The following THBS4 variants were observed in gnomAD, a reference collection of about 807,000 sequenced individuals.
THBS4 encodes the protein thrombospondin-4.
Under a neutral mutation model 115.7 loss-of-function variants are expected in THBS4, and 90 were observed. The ratio of observed to expected loss-of-function variants is 0.78; its 90% confidence interval spans 0.66 to 0.93. The LOEUF (loss-of-function observed/expected upper bound fraction) is 0.93, where lower values mean the gene tolerates loss of function less well. Ranked by LOEUF, THBS4 falls within the 40% of genes least tolerant of loss-of-function variation. The pLI is 0.00. For synonymous variants in THBS4, 460 were observed against 479.3 expected, an observed-to-expected ratio of 0.96 and a Z score of 0.53; for missense variants, 1,087 against 1,232.7, an observed-to-expected ratio of 0.88 and a Z score of 1.77.
rs374204724 is a variant in THBS4 at position 80,073,256 on chromosome 5, T to C, written c.1840-19T>C. On this transcript the variant is annotated intron_variant, in intron 14 of 21. Coordinates refer to ENST00000350881, the MANE Select transcript of THBS4 (RefSeq NM_003248.6). Reference sequence around the variant, plus strand: ...CATGCAGGCCCAGGAATAAATAACATGTGCTGTTCTCTTTGCAGTCTGATG... The same window carrying C: ...CATGCAGGCCCAGGAATAAATAACACGTGCTGTTCTCTTTGCAGTCTGATG... 137 of 1,613,408 alleles carry C rather than the reference T, an allele frequency of 8.5e-5. 1 individual carries two copies. Among genetic ancestry groups the C allele is most frequent in the Admixed American group, 2.0e-4 (12 of 60,000 alleles).
At chr5:80,030,358 GCTAA>G (rs1213408995), upstream of THBS4, among the ~76,000 whole-genome samples, 2 of 151,892 alleles carry the variant, frequency 1.3e-5, no homozygotes, top group Admixed American at 6.6e-5. Context: ...CACCACCATG[GCTAA>G]CTAATTTTTT....
At chr5:80,037,623 C>A (rs1005851052) in intron 1 of THBS4, among the ~76,000 whole-genome samples, 1 of 152,118 alleles carries the variant, frequency 6.6e-6, no homozygotes, top group Non-Finnish European at 1.5e-5. Context: ...ATCAGACGAA[C>A]CATAGATTGA....
intron 2 of THBS4, among the ~76,000 whole-genome samples, chr5:80,003,771 G>T (rs2151151058): frequency 6.6e-6 from 1 of 152,318 alleles, no homozygotes; most frequent in African/African-American, 2.4e-5. Flanking sequence ...CCCTTCTTAT[G>T]TTACTGTATA....
At chr5:80,068,196 A>G (rs1580974484) in intron 10 of THBS4, 71 bp downstream of exon 10, 8 of 1,574,264 alleles carry the variant, frequency 5.1e-6, no homozygotes, top group Non-Finnish European at 6.1e-6. Flanking sequence ...TCCAGTTTCT[A>G]TGTGCTTCAG....
chr5:80,010,269 C>CG (rs1434496070), intron 2 of THBS4, among the ~76,000 whole-genome samples: 1 of 152,162 alleles, frequency 6.6e-6, no homozygotes, highest in African/African-American at 2.4e-5. Context: ...TTCCCCAACT[C>CG]CAAGTTATAT....
At chr5:80,036,382 G>C (rs775503008) in intron 1 of THBS4, among the ~76,000 whole-genome samples, 26 of 152,140 alleles carry the variant, frequency 1.7e-4, no homozygotes, top group Non-Finnish European at 2.8e-4. Flanking sequence ...CCAAAAGTAG[G>C]GGGGAAGGTT....
rs780131933 is a variant in THBS4, at chr5:80,065,462, C to A, written c.1179C>A (p.Ile393=). 80 of 1,613,552 alleles carry A rather than the reference C, an allele frequency of 5.0e-5. No homozygotes were observed. The highest frequency in any genetic ancestry group is 6.4e-5 in the Non-Finnish European group (76 of 1,179,868). The part of the protein sequence containing the change: ...CRNGACVPNS[I]CVNTLGSYRC... ...ATGGAGCGTGCGTTCCCAACTCGAT[C>A]TGCGTTAATACTTTGGTAAGTATTT... The change falls in exon 9 of 22, where the codon ATC becomes ATA. Residue 393 remains isoleucine, a synonymous_variant. Transcript: ENST00000350881.
intron 2 of THBS4, among the ~76,000 whole-genome samples, chr5:80,044,570 G>A (rs194375): frequency 0.24 from 35,867 of 151,660 alleles, 4,684 homozygotes; most frequent in African/African-American, 0.34. Flanking sequence ...CTACATGTGC[G>A]CACCACTACG....
Position 80,068,229 on chromosome 5 carries a change from A to G in THBS4, c.1347+104A>G, listed in dbSNP as rs557608030. 6 of 1,400,264 alleles carry G rather than the reference A, an allele frequency of 4.3e-6. No individual in the cohort carries two copies. The African/African-American group carries it at 7.1e-5, about 17-fold the overall frequency. The allele number at this position is 1,400,264 out of a possible 1,614,324, so 86.7% of individuals were successfully genotyped here. On this transcript the variant is annotated intron_variant, in intron 10 of 21. Transcript: ENST00000350881. ...CAGGGTAAAAGTACTCCAAAATGAA[A>G]GCATTGCAATTAAATGAGCATGGAG...
At chr5:80,024,667 G>A (rs1189223167) in intron 2 of THBS4, among the ~76,000 whole-genome samples, 2 of 152,102 alleles carry the variant, frequency 1.3e-5, no homozygotes, top group Non-Finnish European at 2.9e-5. Context: ...GTAGCATGCT[G>A]GTGACCACAA....
chr5:80,042,484 A>T (rs1031563450), intron 2 of THBS4, among the ~76,000 whole-genome samples: 4 of 152,180 alleles, frequency 2.6e-5, no homozygotes, highest in African/African-American at 9.7e-5. Context: ...CTCTATTTCT[A>T]AATTGGCCAG....
At chr5:80,070,034 C>T (rs1833975744) in intron 10 of THBS4, among the ~76,000 whole-genome samples, 1 of 152,244 alleles carries the variant, frequency 6.6e-6, no homozygotes, top group South Asian at 2.1e-4. Context: ...TTCTGGGTCC[C>T]CTCCTCCCAT....
chr5:80,078,130 C>T lies in THBS4; in HGVS notation c.2168C>T (p.Ala723Val). 3 of 1,612,718 alleles carry T rather than the reference C, an allele frequency of 1.9e-6. No homozygotes were observed. Among genetic ancestry groups the T allele is most frequent in the Non-Finnish European group, 2.5e-6 (3 of 1,179,218 alleles). The change falls in exon 17 of 22, where the codon GCA (alanine) becomes GTA (valine). Residue 723 changes from alanine to valine, a missense_variant. By Grantham distance (64) the Ala-to-Val change is moderately conservative. Around this residue, in one of 3 missense-constraint regions of THBS4, gnomAD observed 979 missense variants for 1,103.7 expected, o/e 0.89. Coordinates refer to ENST00000350881, the MANE Select transcript of THBS4 (RefSeq NM_003248.6). ...IDRIDVCPEN[A>V]EVTLTDFRAY... ...CGGATCGACGTCTGCCCAGAGAACG[C>T]AGAGGTCACCCTGACCGACTTCAGG...
intron 14 of THBS4, chr5:80,072,618 G>A (rs1834109479): frequency 1.8e-6 from 1 of 541,160 alleles, no homozygotes; most frequent in Non-Finnish European, 3.3e-6. Flanking sequence ...TCGATTGCCT[G>A]TGAGGTTAGT....
chr5:79,994,839 T>C (rs1156955490), intron 1 of THBS4, among the ~76,000 whole-genome samples: 1 of 152,198 alleles, frequency 6.6e-6, no homozygotes, highest in Non-Finnish European at 1.5e-5. Context: ...CTAGAGACTA[T>C]TAGGAAGTAC....
At chr5:80,059,328 A>T in intron 5 of THBS4, 112 bp from the exon 6 acceptor site, 1 of 74,286 alleles carries the variant, frequency 1.3e-5, no homozygotes, top group Non-Finnish European at 2.7e-5. Context: ...AGACTGTCTC[A>T]AAAAAAAAAA....
rs777026512 is a variant in THBS4, at chr5:80,070,702, C to T, written c.1512C>T (p.Gly504=). The part of the protein sequence containing the change: ...GQEDADRDGI[G]DACDEDADGD... ...AAGATGCAGACAGAGATGGCATTGG[C>T]GACGCTTGTGACGAGGATGCTGACG... Residue 504 remains glycine, a synonymous_variant, in exon 12 of 22, where the codon GGC becomes GGT. Transcript: ENST00000350881. The T allele has an allele frequency of 3.1e-6, 5 of 1,614,008 alleles. No homozygotes were observed. Among genetic ancestry groups the T allele is most frequent in the East Asian group, 4.5e-5 (2 of 44,890 alleles).
In THBS4 at chr5:80,077,019, TC is replaced by T; in HGVS notation, c.2061del (p.Asn688ThrfsTer40). 1 of 1,609,950 alleles carries T rather than the reference TC, an allele frequency of 6.2e-7. No homozygotes were observed. The highest frequency in any genetic ancestry group is 8.5e-7 in the Non-Finnish European group (1 of 1,177,796). ...VPPGPDNCRLVPNPAQEDSNS... is the reference protein window; with the variant it reads ...VPPGPDNCRLXPNPAQEDSNS... Reference sequence around the variant, plus strand: ...CCTGGACCAGACAACTGCCGGCTGGTCCCCAACCCAGCCCAGGAGGATAGCA... The same window carrying T: ...CCTGGACCAGACAACTGCCGGCTGGTCCCAACCCAGCCCAGGAGGATAGCA... On this transcript the variant is annotated frameshift_variant, in exon 16 of 22. Coordinates refer to ENST00000350881, the MANE Select transcript of THBS4 (RefSeq NM_003248.6). LOFTEE classifies it high-confidence loss of function.
At chr5:80,059,411 A>G in intron 5 of THBS4, 29 bp from the exon 6 acceptor site, 1 of 1,610,230 alleles carries the variant, frequency 6.2e-7, no homozygotes, top group South Asian at 1.1e-5. Context: ...TTCCTTTTCA[A>G]TCCTTTTTTC....
Sources: gnomAD v4.1 joint callset for allele counts (sites outside exome capture counted in the v4.1 genomes callset) on GRCh38, gnomAD v4.1.1 for gene constraint, gnomAD v4.1.1 regional missense constraint, MANE v1.5 for transcripts, NCBI Gene and HGNC (gene_info 2026-07-23, HGNC 2026-07-21) for gene names.